FHIP1A: variants seen among roughly 807,000 people sequenced by gnomAD.
The protein encoded by FHIP1A is FHF complex subunit HOOK-interacting protein 1A.
Under a neutral mutation model 88.6 loss-of-function variants are expected in FHIP1A, and 61 were observed. The observed-to-expected ratio is 0.69, with a 90% CI of 0.56 to 0.85. The LOEUF is 0.85. Among genes scored for constraint, FHIP1A ranks in the 40% least tolerant of loss-of-function variants. The pLI is 0.00. For synonymous variants in FHIP1A, 478 were observed against 496.0 expected, an observed-to-expected ratio of 0.96 and a Z score of 0.48; for missense variants, 1,154 against 1,273.5, an observed-to-expected ratio of 0.91 and a Z score of 1.43.
At chr4:151,543,539 A>C (rs949204587) in intron 3 of FHIP1A, among the ~76,000 whole-genome samples, 1 of 152,246 alleles carries the variant, frequency 6.6e-6, no homozygotes. Context: ...ACACCTGGAG[A>C]TAACTACTAT....
intron 7 of FHIP1A, among the ~76,000 whole-genome samples, chr4:151,603,320 A>G (rs1734944837): frequency 1.3e-5 from 2 of 152,006 alleles, no homozygotes; most frequent in Non-Finnish European, 2.9e-5. Context: ...CTGAAAAAAA[A>G]AAAAAGAGAG....
At chr4:151,540,868 C>T (rs1404968708) in intron 3 of FHIP1A, among the ~76,000 whole-genome samples, 5 of 152,104 alleles carry the variant, frequency 3.3e-5, no homozygotes, top group African/African-American at 2.4e-5. Context: ...AATGTTCCCC[C>T]GAGGCAGTGA....
chr4:151,552,366 C>G (rs1732771666), intron 3 of FHIP1A, among the ~76,000 whole-genome samples: 1 of 152,134 alleles, frequency 6.6e-6, no homozygotes, highest in South Asian at 2.1e-4. Context: ...ACTATAAAGT[C>G]ACATGCACAT....
At chr4:151,457,718 C>A (rs902037653) in intron 2 of FHIP1A, among the ~76,000 whole-genome samples, 3 of 152,062 alleles carry the variant, frequency 2.0e-5, no homozygotes, top group Admixed American at 1.3e-4. Flanking sequence ...TGATTTAACT[C>A]CCCTTCCGCC....
chr4:151,652,316 C>T (rs967529463), intron 11 of FHIP1A, among the ~76,000 whole-genome samples: 1 of 152,180 alleles, frequency 6.6e-6, no homozygotes, highest in African/African-American at 2.4e-5. Flanking sequence ...GAACCTTATA[C>T]ACAGCTTTAG....
At chr4:151,611,906 GGATT>G (rs1458327387) in intron 7 of FHIP1A, among the ~76,000 whole-genome samples, 1 of 152,156 alleles carries the variant, frequency 6.6e-6, no homozygotes, top group African/African-American at 2.4e-5. Context: ...CAGATTAGAT[GGATT>G]GATTTCATGA....
At chr4:151,581,345 G>C (rs1477240556) in intron 5 of FHIP1A, among the ~76,000 whole-genome samples, 1 of 152,026 alleles carries the variant, frequency 6.6e-6, no homozygotes, top group Non-Finnish European at 1.5e-5. Context: ...AGTTCTATTT[G>C]TAATTTTTAT....
At chr4:151,549,085 G>A (rs62329085) in intron 3 of FHIP1A, among the ~76,000 whole-genome samples, 42,631 of 151,798 alleles carry the variant, frequency 0.28, 6,316 homozygotes, top group Non-Finnish European at 0.34. Flanking sequence ...AAAGAGGGCA[G>A]GTGTATGAGC....
intron 7 of FHIP1A, among the ~76,000 whole-genome samples, chr4:151,619,521 A>G (rs1735658674): frequency 6.6e-6 from 1 of 152,304 alleles, no homozygotes; most frequent in East Asian, 1.9e-4. Flanking sequence ...AAATATTTTT[A>G]TTTTGATGAG....
intron 1 of FHIP1A, among the ~76,000 whole-genome samples, chr4:151,454,268 AC>A (rs1276612157): frequency 9.2e-5 from 14 of 152,190 alleles, no homozygotes; most frequent in Non-Finnish European, 1.8e-4. Flanking sequence ...TAGGCATATC[AC>A]ATTGGAGGCA....
chr4:151,588,642 A>G (rs1734309101), intron 6 of FHIP1A, among the ~76,000 whole-genome samples, 198 bp from the exon 7 acceptor site: 1 of 152,220 alleles, frequency 6.6e-6, no homozygotes, highest in Non-Finnish European at 1.5e-5. Context: ...GCGGATTTTA[A>G]CCAAGGTGTT....
intron 3 of FHIP1A, among the ~76,000 whole-genome samples, chr4:151,558,029 A>G (rs1049257139): frequency 3.3e-5 from 5 of 152,302 alleles, no homozygotes; most frequent in East Asian, 3.9e-4. Context: ...GGGGTAAACA[A>G]TCTTGTCAGA....
intron 2 of FHIP1A, among the ~76,000 whole-genome samples, chr4:151,457,540 G>T (rs187529102): frequency 1.3e-5 from 2 of 152,184 alleles, no homozygotes; most frequent in Non-Finnish European, 2.9e-5. Flanking sequence ...ATTACTGACT[G>T]TAAAACTGCA....
chr4:151,603,784 C>T (rs1263460295), intron 7 of FHIP1A, among the ~76,000 whole-genome samples: 1 of 152,162 alleles, frequency 6.6e-6, no homozygotes, highest in Non-Finnish European at 1.5e-5. Flanking sequence ...TTAATCTTCC[C>T]AAATATAGTG....
At chr4:151,623,973 C>T (rs1320221460) in intron 7 of FHIP1A, among the ~76,000 whole-genome samples, 1 of 152,178 alleles carries the variant, frequency 6.6e-6, no homozygotes, top group Non-Finnish European at 1.5e-5. Context: ...AACAGCAAAA[C>T]ACTCAGAACT....
intron 4 of FHIP1A, 57 bp from the exon 5 acceptor site, chr4:151,577,393 T>C (rs755506195): frequency 1.0e-5 from 15 of 1,455,450 alleles, no homozygotes; most frequent in Non-Finnish European, 1.4e-5. Flanking sequence ...AGTGGTGATA[T>C]GTTTTTGTAA....
chr4:151,565,215 G>T (rs960775240), intron 3 of FHIP1A, among the ~76,000 whole-genome samples: 1 of 152,020 alleles, frequency 6.6e-6, no homozygotes, highest in Non-Finnish European at 1.5e-5. Context: ...ATTATACCCA[G>T]TCCTTTTATG....
rs1312867421 is a variant in FHIP1A at position 151,662,903 on chromosome 4, T to C, written c.*149T>C. The C allele has an allele frequency of 4.0e-6, 3 of 742,936 alleles. No individual in the cohort carries two copies. The highest frequency in any genetic ancestry group is 6.1e-6 in the Non-Finnish European group (3 of 491,476). 46.0% of individuals were successfully genotyped at this position (742,936 alleles called of 1,614,324 possible). A position where few individuals can be genotyped will look rare whatever the true frequency, so the allele number is the denominator to read the frequency against. On this transcript the variant is annotated 3_prime_UTR_variant, in exon 14 of 14. Transcript: ENST00000435205. ...TGGGGAGGGGAATTTTCTGTATCTTTCCTCTCTCTCTCTAGCCGGGCCTTT... is the reference window on the plus strand; with the variant it reads ...TGGGGAGGGGAATTTTCTGTATCTTCCCTCTCTCTCTCTAGCCGGGCCTTT...
At chr4:151,533,820 C>T (rs1340209705) in intron 3 of FHIP1A, among the ~76,000 whole-genome samples, 1 of 152,114 alleles carries the variant, frequency 6.6e-6, no homozygotes, top group Non-Finnish European at 1.5e-5. Context: ...CACAATCAAC[C>T]GTGATGAATA....
Sources: allele counts gnomAD v4.1 joint callset (sites outside exome capture counted in the v4.1 genomes callset), GRCh38; gene constraint gnomAD v4.1.1; transcripts MANE v1.5; gene names NCBI Gene and HGNC (gene_info 2026-07-23, HGNC 2026-07-21).